Variants in MICU2 observed in about 807,000 individuals in gnomAD.
The protein encoded by MICU2 is calcium uptake protein 2, mitochondrial.
A neutral mutation model predicts 60.4 loss-of-function variants in MICU2; 64 were observed. The observed-to-expected ratio is 1.06, with a 90% CI of 0.87 to 1.31. MICU2 has a LOEUF of 1.31. Ranked by LOEUF, MICU2 falls within the 50% of genes most tolerant of loss-of-function variation. MICU2 has a pLI of 0.00. For synonymous variants in MICU2, 201 were observed against 175.0 expected (o/e 1.15, Z -1.17); for missense variants, 569 against 531.0 (o/e 1.07, Z -0.70).
At chr13:21,600,737 T>A (rs1369797535) in intron 1 of MICU2, among the ~76,000 whole-genome samples, 1 of 152,206 alleles carries the variant, frequency 6.6e-6, no homozygotes, top group South Asian at 2.1e-4. Context: ...TATAAATTTA[T>A]ATTTTTATTG....
At chr13:21,544,352 T>C (rs1448465997) in intron 2 of MICU2, among the ~76,000 whole-genome samples, 1 of 151,738 alleles carries the variant, frequency 6.6e-6, no homozygotes, top group Non-Finnish European at 1.5e-5. Flanking sequence ...TGAGATGATG[T>C]AAAACGCTTC....
At chr13:21,603,882 G>A in intron 1 of MICU2, 57 bp downstream of exon 1, 5 of 1,581,612 alleles carry the variant, frequency 3.2e-6, no homozygotes, top group Non-Finnish European at 4.3e-6. Context: ...CCCCGCCTAA[G>A]GGCGTCAGGG....
At chr13:21,537,636 AT>A (rs1317657492) in intron 4 of MICU2, among the ~76,000 whole-genome samples, 3 of 151,686 alleles carry the variant, frequency 2.0e-5, no homozygotes, top group Non-Finnish European at 4.4e-5. Context: ...TGCCTGGCTA[AT>A]TTTTTGTGTT....
intron 4 of MICU2, among the ~76,000 whole-genome samples, chr13:21,530,421 A>C (rs1185266603): frequency 6.6e-6 from 1 of 151,664 alleles, no homozygotes; most frequent in African/African-American, 2.4e-5. Flanking sequence ...GTTCATCACT[A>C]AGGTCTTTCT....
intron 1 of MICU2, among the ~76,000 whole-genome samples, chr13:21,582,296 T>C (rs540402461): frequency 3.5e-4 from 54 of 152,292 alleles, no homozygotes; most frequent in Admixed American, 2.7e-3. Context: ...GAAGATACAA[T>C]AGCCAAAACT....
At chr13:21,495,802 G>A in intron 10 of MICU2, 1 of 324,404 alleles carries the variant, frequency 3.1e-6, no homozygotes. Flanking sequence ...CCAAAGTGCT[G>A]GGATTACAGG....
intron 1 of MICU2, among the ~76,000 whole-genome samples, chr13:21,589,064 A>C (rs1349966673): frequency 1.3e-5 from 2 of 152,234 alleles, no homozygotes; most frequent in Non-Finnish European, 2.9e-5. Context: ...ACATGATATT[A>C]GCAGAAAGAG....
intron 4 of MICU2, among the ~76,000 whole-genome samples, chr13:21,535,070 G>A (rs891663905): frequency 1.3e-5 from 2 of 152,068 alleles, no homozygotes; most frequent in African/African-American, 4.8e-5. Flanking sequence ...GTTTTGAAAT[G>A]GGGTTGTCTT....
At chr13:21,535,657 AT>A (rs1438243326) in intron 4 of MICU2, among the ~76,000 whole-genome samples, 12 of 152,020 alleles carry the variant, frequency 7.9e-5, no homozygotes, top group Non-Finnish European at 7.4e-5. Flanking sequence ...ACAAAAAAAT[AT>A]AGCAATATTA....
intron 2 of MICU2, among the ~76,000 whole-genome samples, chr13:21,561,902 C>T (rs1223433504): frequency 2.3e-5 from 3 of 132,034 alleles, no homozygotes; most frequent in East Asian, 4.7e-4. Context: ...TGATGTTCCC[C>T]TTCCTGTGTC....
At chr13:21,501,429 A>AT (rs1247821710) in intron 9 of MICU2, among the ~76,000 whole-genome samples, 2 of 151,804 alleles carry the variant, frequency 1.3e-5, no homozygotes, top group Non-Finnish European at 2.9e-5. Context: ...TGCCTGGCTA[A>AT]TTTTTTGTAT....
chr13:21,536,777 A>T (rs1887140118), intron 4 of MICU2, among the ~76,000 whole-genome samples: 1 of 152,242 alleles, frequency 6.6e-6, no homozygotes, highest in Non-Finnish European at 1.5e-5. Context: ...AGACAACAGG[A>T]AACAATAATT....
intron 7 of MICU2, among the ~76,000 whole-genome samples, chr13:21,513,164 T>A (rs1362248111): frequency 1.3e-5 from 2 of 152,150 alleles, no homozygotes; most frequent in Non-Finnish European, 2.9e-5. Flanking sequence ...TGGGAGTTTC[T>A]ACAGAGACAA....
At chr13:21,534,407 A>G (rs929284166) in intron 4 of MICU2, among the ~76,000 whole-genome samples, 1 of 152,098 alleles carries the variant, frequency 6.6e-6, no homozygotes. Flanking sequence ...GGGTCTCCCT[A>G]TGTTGCCTAG....
At chr13:21,494,885 C>T (rs1885954052) in intron 11 of MICU2, among the ~76,000 whole-genome samples, 1 of 151,932 alleles carries the variant, frequency 6.6e-6, no homozygotes, top group South Asian at 2.1e-4. Flanking sequence ...TTTTTGGAGA[C>T]AAGGGCTTGC....
At chr13:21,520,134 A>T (rs1886680871) in intron 6 of MICU2, among the ~76,000 whole-genome samples, 1 of 152,186 alleles carries the variant, frequency 6.6e-6, no homozygotes, top group Admixed American at 6.5e-5. Flanking sequence ...TGCTGCATTT[A>T]TCAGTGGTTT....
chr13:21,503,924 T>G (rs1886237120), intron 8 of MICU2, among the ~76,000 whole-genome samples: 1 of 152,214 alleles, frequency 6.6e-6, no homozygotes, highest in African/African-American at 2.4e-5. Context: ...CATGGGGTGA[T>G]AGAAGAGGGA....
Position 21,502,689 on chromosome 13 carries a change from G to T in MICU2, c.933+237C>A, listed in dbSNP as rs1886205361. 1.0e-5 allele frequency: 4 copies of T among 400,374 alleles called. No homozygotes were observed. The East Asian group carries it at 2.0e-4, about 20-fold the overall frequency. 24.8% of individuals were successfully genotyped at this position (400,374 alleles called of 1,614,324 possible). A position where few individuals can be genotyped will look rare whatever the true frequency, so the allele number is the denominator to read the frequency against. ...TACAGAGTGATATTAAATAACAGTA[G>T]TGATACTTGTCTTATTCTTGACTTT... is the stretch of plus-strand genomic sequence containing the variant. On this transcript the variant is annotated intron_variant, in intron 9 of 11. Coordinates refer to ENST00000382374, the MANE Select transcript of MICU2 (RefSeq NM_152726.3).
At chr13:21,558,628 C>T (rs1887765506) in intron 2 of MICU2, among the ~76,000 whole-genome samples, 1 of 152,180 alleles carries the variant, frequency 6.6e-6, no homozygotes, top group Non-Finnish European at 1.5e-5. Flanking sequence ...ACACCCTCCA[C>T]TTCTCACCCC....
Sources: allele counts gnomAD v4.1 joint callset (sites outside exome capture counted in the v4.1 genomes callset), GRCh38; gene constraint gnomAD v4.1.1; transcripts MANE v1.5; gene names NCBI Gene and HGNC (gene_info 2026-07-23, HGNC 2026-07-21).